The following TCERG1L variants were observed in gnomAD, a reference collection of about 807,000 sequenced individuals.
TCERG1L encodes transcription elongation regulator 1-like protein.
TCERG1L carries 37 observed loss-of-function variants against 56.3 expected under a neutral mutation model. The observed-to-expected ratio is 0.66, with a 90% CI of 0.51 to 0.87. TCERG1L has a LOEUF of 0.87. Ranked by LOEUF, TCERG1L falls within the 40% of genes least tolerant of loss-of-function variation. The pLI is 0.00. For synonymous variants in TCERG1L, 324 were observed against 326.3 expected, an observed-to-expected ratio of 0.99 and a Z score of 0.08; for missense variants, 799 against 774.2, an observed-to-expected ratio of 1.03 and a Z score of -0.38.
At chr10:131,175,127 C>T (rs144920304) in intron 4 of TCERG1L, among the ~76,000 whole-genome samples, 4 of 152,144 alleles carry the variant, frequency 2.6e-5, no homozygotes, top group East Asian at 1.9e-4. Context: ...TTTTCACCAG[C>T]GTGATCCAGG....
At position 131,203,378 on chromosome 10, in the gene TCERG1L, GCTCA is replaced by G. The variant is rs563164385; in HGVS notation, c.857-36497_857-36494del. 8.6e-5 allele frequency among the ~76,000 whole-genome samples: 13 copies of G among 150,660 alleles called. No homozygotes were observed. The South Asian group carries it at 1.7e-3, about 20-fold the overall frequency. On this transcript the variant is annotated intron_variant, in intron 4 of 11. Transcript: ENST00000368642. The stretch of plus-strand genomic sequence containing the variant: ...TTCATGGTCTCGTCACTTAAGATCA[GCTCA>G]CTGTTTAATGAGGCTGATGACAAAA...
intron 4 of TCERG1L, among the ~76,000 whole-genome samples, chr10:131,207,100 C>T (rs1426859358): frequency 6.6e-6 from 1 of 152,214 alleles, no homozygotes; most frequent in African/African-American, 2.4e-5. Context: ...ACTCTGCTGG[C>T]CACTGGCCAA....
intron 4 of TCERG1L, among the ~76,000 whole-genome samples, chr10:131,194,551 T>G (rs987452301): frequency 1.3e-5 from 2 of 152,220 alleles, no homozygotes; most frequent in Non-Finnish European, 2.9e-5. Context: ...GGTGGTCAAA[T>G]TCTCCATTAT....
chr10:131,286,803 ATC>A (rs1167667679), intron 3 of TCERG1L, among the ~76,000 whole-genome samples: 3 of 152,210 alleles, frequency 2.0e-5, no homozygotes, highest in Non-Finnish European at 4.4e-5. Flanking sequence ...TCACAAATAG[ATC>A]TCTGAGATCT....
At chr10:131,149,880 C>T (rs1195993271) in intron 6 of TCERG1L, among the ~76,000 whole-genome samples, 1 of 152,168 alleles carries the variant, frequency 6.6e-6, no homozygotes, top group East Asian at 1.9e-4. Context: ...CATGTCAGGA[C>T]CAGAGGAAGC....
chr10:131,304,904 G>A (rs998810571), intron 3 of TCERG1L, among the ~76,000 whole-genome samples: 8 of 151,994 alleles, frequency 5.3e-5, no homozygotes, highest in African/African-American at 1.9e-4. Flanking sequence ...CTCATGTGAT[G>A]GGACTTGTTT....
At chr10:131,126,629 C>G (rs1016501920) in intron 8 of TCERG1L, among the ~76,000 whole-genome samples, 6 of 152,334 alleles carry the variant, frequency 3.9e-5, no homozygotes, top group Admixed American at 6.5e-5. Flanking sequence ...TCAGTGCCGG[C>G]TGCCAGGCTT....
At chr10:131,283,331 G>C (rs887239746) in intron 3 of TCERG1L, among the ~76,000 whole-genome samples, 3 of 152,226 alleles carry the variant, frequency 2.0e-5, no homozygotes, top group Non-Finnish European at 2.9e-5. Context: ...ATTTTAGAAT[G>C]AAACAGAAGC....
In TCERG1L at chr10:131,175,243, C is replaced by T. The variant is rs114391791; in HGVS notation, c.857-8358G>A. On this transcript the variant is annotated intron_variant, in intron 4 of 11. Transcript: ENST00000368642. ...ACCCAGCAGAGTGAGCTTTGGGATC[C>T]GAGGGTAAAAGGAGTGGAGATGACG... Among the ~76,000 whole-genome samples the T allele has an allele frequency of 9.1e-3, 1,379 of 152,204 alleles. 14 individuals carry two copies. The highest frequency in any genetic ancestry group is 0.031 in the African/African-American group (1,293 of 41,522).
intron 4 of TCERG1L, among the ~76,000 whole-genome samples, chr10:131,205,866 A>G (rs1845518149): frequency 6.6e-6 from 1 of 152,184 alleles, no homozygotes; most frequent in Admixed American, 6.5e-5. Flanking sequence ...ATGGACCCAG[A>G]GTTGGGAAGC....
chr10:131,094,711 C>T (rs1408480778), intron 11 of TCERG1L, among the ~76,000 whole-genome samples: 1 of 152,036 alleles, frequency 6.6e-6, no homozygotes, highest in Non-Finnish European at 1.5e-5. Flanking sequence ...TCTCCCGGTT[C>T]CTTTCTTCCT....
At chr10:131,308,510 G>C in intron 2 of TCERG1L, 119 bp from the exon 3 acceptor site, 1 of 814,040 alleles carries the variant, frequency 1.2e-6, no homozygotes, top group Non-Finnish European at 1.9e-6. Context: ...TCTATTATTG[G>C]GGACTCTATA....
At chr10:131,308,173 A>C (rs1846834810) in intron 3 of TCERG1L, 38 bp downstream of exon 3, 3 of 1,547,468 alleles carry the variant, frequency 1.9e-6, no homozygotes, top group Non-Finnish European at 2.6e-6. Flanking sequence ...TTGAAGCAAA[A>C]ATGAAACAGA....
At chr10:131,272,688 CTG>C (rs1046829765) in intron 3 of TCERG1L, among the ~76,000 whole-genome samples, 1 of 152,204 alleles carries the variant, frequency 6.6e-6, no homozygotes, top group African/African-American at 2.4e-5. Context: ...ACAGCCTGGT[CTG>C]TGAACTGTGC....
chr10:131,158,950 G>A (rs1289011874), intron 6 of TCERG1L, among the ~76,000 whole-genome samples: 4 of 152,210 alleles, frequency 2.6e-5, no homozygotes, highest in South Asian at 2.1e-4. Flanking sequence ...GGCAGTGCCC[G>A]TGGGGTCCCC....
chr10:131,308,232 A>C lies in TCERG1L; in HGVS notation c.649T>G (p.Leu217Val). 4 of 1,613,520 alleles carry C rather than the reference A, an allele frequency of 2.5e-6. No homozygotes were observed. The highest frequency in any genetic ancestry group is 2.2e-5 in the East Asian group (1 of 44,894). Residue 217 changes from leucine (L) to valine (V), a missense_variant, in exon 3 of 12, where the codon TTA becomes GTA. Transcript: ENST00000368642. ...PASRPLPTVV[L>V]APQPIPGGCH... is the part of the protein sequence containing the mutation. ...CAACCTGGGATGGGCTGAGGTGCTA[A>C]CACCACCGTGGGGAGCGGCCTGGAG...
rs191309528 is a variant in TCERG1L, at chr10:131,253,387, C to T, written c.856+6872G>A. 2.3e-4 allele frequency among the ~76,000 whole-genome samples: 34 copies of T among 150,866 alleles called. 1 individual carries two copies. In the East Asian group the frequency reaches 2.9e-3, roughly 13 times the overall value. ...TTCAGTGGCCTTCGACCCTGCCCCC[C>T]AGCTTTCAGTAATGGAATCGGTTGC... On this transcript the variant is annotated intron_variant, in intron 4 of 11. Transcript: ENST00000368642.
At chr10:131,195,020 T>C (rs1165122960) in intron 4 of TCERG1L, among the ~76,000 whole-genome samples, 3 of 152,176 alleles carry the variant, frequency 2.0e-5, no homozygotes, top group Non-Finnish European at 4.4e-5. Context: ...AGGTCACTGG[T>C]TGTGGCCAGA....
chr10:131,249,747 C>G (rs1030935617), intron 4 of TCERG1L, among the ~76,000 whole-genome samples: 1 of 152,180 alleles, frequency 6.6e-6, no homozygotes, highest in Non-Finnish European at 1.5e-5. Flanking sequence ...ATGGGTACGA[C>G]GGCCACACTC....
Sources: gnomAD v4.1 joint callset for allele counts (sites outside exome capture counted in the v4.1 genomes callset) on GRCh38, gnomAD v4.1.1 for gene constraint, MANE v1.5 for transcripts, NCBI Gene and HGNC (gene_info 2026-07-23, HGNC 2026-07-21) for gene names.